LRP1B: variants seen among roughly 807,000 people sequenced by gnomAD.
LRP1B encodes the protein LDL receptor related protein 1B.
A neutral mutation model predicts 556.6 loss-of-function variants in LRP1B; 217 were observed. The ratio of observed to expected loss-of-function variants is 0.39; its 90% CI spans 0.35 to 0.44. The LOEUF (loss-of-function observed/expected upper bound fraction) is 0.44. LRP1B is among the 20% of genes least tolerant of loss of function. The pLI is 1.00. For missense variants in LRP1B, 5,053 were observed against 5,620.8 expected, an observed-to-expected ratio of 0.90 and a Z score of 3.23; for synonymous variants, 2,047 against 1,865.8, an observed-to-expected ratio of 1.10 and a Z score of -2.50.
chr2:141,648,509 C>T (rs959955135), intron 2 of LRP1B, among the ~76,000 whole-genome samples: 1 of 152,128 alleles, frequency 6.6e-6, no homozygotes, highest in African/African-American at 2.4e-5. Context: ...CTCTACTGTT[C>T]AGACATTTAT....
chr2:141,019,225 A>C (rs1159215451), intron 12 of LRP1B, among the ~76,000 whole-genome samples: 3 of 152,128 alleles, frequency 2.0e-5, no homozygotes, highest in Non-Finnish European at 2.9e-5. Flanking sequence ...ATTTCATTCT[A>C]AAACAAGTAA....
chr2:141,711,074 G>A (rs1033622961), intron 2 of LRP1B, among the ~76,000 whole-genome samples: 2 of 152,008 alleles, frequency 1.3e-5, no homozygotes, highest in Non-Finnish European at 2.9e-5. Flanking sequence ...TTCATCCCTG[G>A]TCTTTAGGAC....
At chr2:141,772,182 C>T (rs1694922913) in intron 2 of LRP1B, among the ~76,000 whole-genome samples, 1 of 152,272 alleles carries the variant, frequency 6.6e-6, no homozygotes, top group East Asian at 1.9e-4. Context: ...TTTCACTCAA[C>T]ACTGAATCTG....
At chr2:141,324,214 C>T (rs1327797901) in intron 3 of LRP1B, among the ~76,000 whole-genome samples, 1 of 151,890 alleles carries the variant, frequency 6.6e-6, no homozygotes, top group African/African-American at 2.4e-5. Context: ...CTGAACAAGA[C>T]CCTCTCCCAA....
intron 43 of LRP1B, among the ~76,000 whole-genome samples, chr2:140,553,448 CAT>C (rs1491143167): frequency 3.3e-5 from 5 of 151,388 alleles, no homozygotes; most frequent in African/African-American, 7.3e-5. Flanking sequence ...CACACACACA[CAT>C]GCAATAAAGT....
intron 43 of LRP1B, among the ~76,000 whole-genome samples, chr2:140,585,704 C>T (rs1681956871): frequency 6.6e-6 from 1 of 152,110 alleles, no homozygotes; most frequent in Non-Finnish European, 1.5e-5. Flanking sequence ...CTTATTCTCA[C>T]TTAGACACCT....
chr2:141,752,554 G>A (rs1574321023), intron 2 of LRP1B, among the ~76,000 whole-genome samples: 1 of 152,116 alleles, frequency 6.6e-6, no homozygotes, highest in Non-Finnish European at 1.5e-5. Flanking sequence ...AAAACCGGTG[G>A]TTCTCAAAGG....
intron 20 of LRP1B, among the ~76,000 whole-genome samples, chr2:140,943,616 C>T (rs532844551): frequency 3.1e-4 from 47 of 152,178 alleles, no homozygotes; most frequent in Non-Finnish European, 4.1e-4. Flanking sequence ...GCCAGAGGAA[C>T]TCTCAAAACC....
At chr2:141,215,188 G>A (rs950820645) in intron 6 of LRP1B, among the ~76,000 whole-genome samples, 1 of 151,960 alleles carries the variant, frequency 6.6e-6, no homozygotes, top group Admixed American at 6.6e-5. Context: ...CCATTCTCTT[G>A]CTCCAGCTTT....
chr2:140,602,401 G>T (rs79672878), intron 41 of LRP1B, among the ~76,000 whole-genome samples: 1,864 of 152,056 alleles, frequency 0.012, 37 homozygotes, highest in African/African-American at 0.043. Flanking sequence ...TCACAGACAT[G>T]CTATGAGTGC....
At chr2:140,814,511 T>C (rs1292180898) in intron 31 of LRP1B, among the ~76,000 whole-genome samples, 1 of 152,244 alleles carries the variant, frequency 6.6e-6, no homozygotes, top group Admixed American at 6.5e-5. Flanking sequence ...CTCTTCATTA[T>C]GCCACTTTGC....
At chr2:140,645,036 A>G (rs1177793548) in intron 41 of LRP1B, among the ~76,000 whole-genome samples, 1 of 152,114 alleles carries the variant, frequency 6.6e-6, no homozygotes, top group East Asian at 1.9e-4. Context: ...CTAATTATAT[A>G]GATTATTTTA....
chr2:140,671,300 C>G (rs534475330), intron 41 of LRP1B, among the ~76,000 whole-genome samples: 1 of 152,266 alleles, frequency 6.6e-6, no homozygotes, highest in East Asian at 1.9e-4. Flanking sequence ...GCGGGCGGAT[C>G]ATGAGGTCAG....
At chr2:141,963,429 C>T (rs1040260479) in intron 1 of LRP1B, among the ~76,000 whole-genome samples, 1 of 151,840 alleles carries the variant, frequency 6.6e-6, no homozygotes, top group African/African-American at 2.4e-5. Context: ...GGATGCAAGG[C>T]TGGTTCAATA....
intron 7 of LRP1B, among the ~76,000 whole-genome samples, chr2:141,138,207 A>C (rs1012489569): frequency 2.6e-5 from 4 of 152,010 alleles, no homozygotes; most frequent in Non-Finnish European, 4.4e-5. Context: ...TCGTTTGACA[A>C]AATCTAACAT....
At chr2:140,759,720 G>A (rs928173859) in intron 35 of LRP1B, among the ~76,000 whole-genome samples, 5 of 152,328 alleles carry the variant, frequency 3.3e-5, no homozygotes, top group African/African-American at 9.6e-5. Context: ...CTGGAACTCA[G>A]TCTAAGCATA....
intron 7 of LRP1B, among the ~76,000 whole-genome samples, chr2:141,075,338 T>C (rs1699758423): frequency 6.6e-6 from 1 of 152,276 alleles, no homozygotes; most frequent in Middle Eastern, 3.4e-3. Flanking sequence ...CATTCCAATA[T>C]AATATTAATT....
chr2:140,771,981 A>G (rs1031183558), intron 33 of LRP1B, among the ~76,000 whole-genome samples: 2 of 152,170 alleles, frequency 1.3e-5, no homozygotes, highest in Non-Finnish European at 2.9e-5. Context: ...TAATTGTTCA[A>G]TCGAACCTGT....
chr2:140,334,221 C>G (rs1449566022), intron 79 of LRP1B, among the ~76,000 whole-genome samples: 1 of 151,978 alleles, frequency 6.6e-6, no homozygotes, highest in African/African-American at 2.4e-5. Context: ...AATAGCCTTA[C>G]AACTTAGGCA....
Sources: gnomAD v4.1 joint callset for allele counts (sites outside exome capture counted in the v4.1 genomes callset) on GRCh38, gnomAD v4.1.1 for gene constraint, MANE v1.5 for transcripts, NCBI Gene and HGNC (gene_info 2026-07-23, HGNC 2026-07-21) for gene names.